ABI1: variants seen among roughly 807,000 people sequenced by gnomAD.
The protein encoded by ABI1 is abl interactor 1.
In ABI1, 14 loss-of-function variants were observed where a neutral mutation model predicts 54.6. That is an observed-to-expected ratio of 0.26 (90% CI 0.17 to 0.40). The LOEUF (loss-of-function observed/expected upper bound fraction) is 0.40, where lower values mean the gene tolerates loss of function less well. Ranked by LOEUF, ABI1 falls within the 10% of genes least tolerant of loss-of-function variation. The probability of loss-of-function intolerance (pLI) is 1.00; values close to 1 mark genes in which losing one functional copy is unlikely to be tolerated. For missense variants in ABI1, 443 were observed against 598.3 expected, an observed-to-expected ratio of 0.74 and a Z score of 2.71; for synonymous variants, 194 against 209.3, an observed-to-expected ratio of 0.93 and a Z score of 0.63.
chr10:26,791,416 C>T (rs554309555), intron 2 of ABI1, among the ~76,000 whole-genome samples: 28 of 152,060 alleles, frequency 1.8e-4, no homozygotes, highest in Non-Finnish European at 5.9e-5. Context: ...ACACATACAC[C>T]CGATTGTCCC....
At chr10:26,833,769 T>TACACAC (rs61653104) in intron 1 of ABI1, among the ~76,000 whole-genome samples, 4,796 of 150,268 alleles carry the variant, frequency 0.032, 188 homozygotes, top group African/African-American at 0.092. Flanking sequence ...ACAATATTTA[T>TACACAC]ACACACACAC....
At chr10:26,840,752 G>A (rs906137614) in intron 1 of ABI1, among the ~76,000 whole-genome samples, 36 of 151,994 alleles carry the variant, frequency 2.4e-4, no homozygotes, top group African/African-American at 8.7e-4. Context: ...AGAAACAAGA[G>A]ACAAAAAATA....
In ABI1 at chr10:26,840,379, G is replaced by T. The variant is rs192470459; in HGVS notation, c.118-17074C>A. Among the ~76,000 whole-genome samples, 11 of 152,296 alleles carry T rather than the reference G, an allele frequency of 7.2e-5. No homozygotes were observed. In the East Asian group the frequency reaches 1.5e-3, roughly 21 times the overall value. ...CATCAGAAGCAGATGTTGGCACCAT[G>T]CTTCTTATACGGTCTGCAGAACCAC... On this transcript the variant is annotated intron_variant, in intron 1 of 10. Coordinates refer to ENST00000376140, the MANE Select transcript of ABI1 (RefSeq NM_001012750.3).
chr10:26,750,935 AC>A (rs1167476984), intron 10 of ABI1, among the ~76,000 whole-genome samples: 1 of 152,200 alleles, frequency 6.6e-6, no homozygotes. Context: ...TTATAAAATC[AC>A]CTAATTGAAA....
At chr10:26,821,799 CAAAAAAAA>C (rs375448180) in intron 2 of ABI1, among the ~76,000 whole-genome samples, 3 of 80,144 alleles carry the variant, frequency 3.7e-5, no homozygotes, top group Admixed American at 3.0e-4. Context: ...ACTCTTGTCT[CAAAAAAAA>C]AAAAAAACAA....
intron 1 of ABI1, among the ~76,000 whole-genome samples, chr10:26,842,593 T>TTGGTCTGGTC (rs2049606088): frequency 6.6e-6 from 1 of 152,194 alleles, no homozygotes; most frequent in African/African-American, 2.4e-5. Flanking sequence ...GCCAATTTCA[T>TTGGTCTGGTC]TGGTCTGGGG....
In ABI1 at chr10:26,748,432, G is replaced by A; in HGVS notation, c.*138C>T. 1.6e-6 allele frequency: 1 copy of A among 625,838 alleles called. No individual in the cohort carries two copies. The highest frequency in any genetic ancestry group is 3.0e-5 in the South Asian group (1 of 33,600). 38.8% of individuals were successfully genotyped at this position (625,838 alleles called of 1,614,324 possible). On this transcript the variant is annotated 3_prime_UTR_variant, in exon 11 of 11. Transcript: ENST00000376140. The stretch of plus-strand genomic sequence containing the variant: ...CCTCAAAGATTTATGCTTACAGGTA[G>A]ACATTCAATTTACCAATAAAACAGC...
At chr10:26,806,226 A>G (rs371453170) in intron 2 of ABI1, among the ~76,000 whole-genome samples, 1 of 152,200 alleles carries the variant, frequency 6.6e-6, no homozygotes, top group African/African-American at 2.4e-5. Context: ...GCTAAAATCA[A>G]CATTGTCCAG....
At chr10:26,811,812 G>A (rs1051246816) in intron 2 of ABI1, among the ~76,000 whole-genome samples, 2 of 84,816 alleles carry the variant, frequency 2.4e-5, no homozygotes, top group Non-Finnish European at 5.4e-5. Context: ...TTTATGCAAA[G>A]ATTTGTATAA....
intron 1 of ABI1, among the ~76,000 whole-genome samples, chr10:26,828,299 C>T (rs2048439658): frequency 6.6e-6 from 1 of 152,142 alleles, no homozygotes; most frequent in African/African-American, 2.4e-5. Flanking sequence ...ACAGTAATAA[C>T]ATCGAATATC....
In ABI1 at chr10:26,751,838, A is replaced by G. The variant is rs1177530456; in HGVS notation, c.1085-55T>C. On this transcript the variant is annotated intron_variant, in intron 9 of 10. Coordinates refer to ENST00000376140, the MANE Select transcript of ABI1 (RefSeq NM_001012750.3). The stretch of plus-strand genomic sequence containing the variant: ...CAAAAATAAGTCTAGATGGAAACTT[A>G]TAAGTTAACAGAATTTAAGAAAGCT... The G allele has an allele frequency of 5.1e-5, 75 of 1,463,314 alleles. 1 individual carries two copies. Among genetic ancestry groups the G allele is most frequent in the East Asian group, 4.8e-5 (2 of 41,658 alleles). 90.6% of individuals were successfully genotyped at this position (1,463,314 alleles called of 1,614,324 possible).
At position 26,860,780 on chromosome 10, in the gene ABI1, C is replaced by A. The variant is rs776477058; in HGVS notation, c.84G>T (p.Arg28=). ...AGTTGTTTTCACAGTAGTCTGCCAC[C>A]CGAGTCAGGTTCTGGTAACTCTCGA... ...ALIESYQNLT[R]VADYCENNYI... is the part of the protein sequence containing the mutation. The change falls in exon 1 of 11, where the codon CGG becomes CGT. Residue 28 remains arginine, a synonymous_variant. Transcript: ENST00000376140. This position sits in a 1 kb window ranked among gnomAD's most constrained non-coding sequence, Gnocchi z 4.1. The A allele has an allele frequency of 1.2e-6, 2 of 1,614,138 alleles. No homozygotes were observed. Among genetic ancestry groups the A allele is most frequent in the Non-Finnish European group, 1.7e-6 (2 of 1,180,008 alleles).
intron 3 of ABI1, among the ~76,000 whole-genome samples, chr10:26,774,756 T>C (rs980928430): frequency 1.3e-5 from 2 of 152,026 alleles, no homozygotes; most frequent in Admixed American, 6.6e-5. Context: ...CAATGGAATA[T>C]TAATCTTGGA....
intron 10 of ABI1, among the ~76,000 whole-genome samples, chr10:26,750,426 G>A (rs186837367): frequency 4.7e-4 from 71 of 152,180 alleles, no homozygotes; most frequent in African/African-American, 1.4e-3. Context: ...CCTGGGAGGC[G>A]GAAGTTGCAG....
chr10:26,771,469 C>T lies in ABI1; in HGVS notation c.463-380G>A, dbSNP rs142094537. On this transcript the variant is annotated intron_variant, in intron 3 of 10. Coordinates refer to ENST00000376140, the MANE Select transcript of ABI1 (RefSeq NM_001012750.3). The stretch of plus-strand genomic sequence containing the variant: ...TAGATGTGAAGCTATTTTAACATAT[C>T]GGTGCATGAGACCTAACACTTTACT... 4.8e-3 allele frequency among the ~76,000 whole-genome samples: 726 copies of T among 152,186 alleles called. 6 individuals are homozygous for T. The highest frequency in any genetic ancestry group is 0.011 in the African/African-American group (447 of 41,524).
intron 7 of ABI1, 88 bp from the exon 8 acceptor site, chr10:26,759,326 A>G: frequency 9.3e-7 from 1 of 1,078,180 alleles, no homozygotes. Context: ...AGGGGGCCTC[A>G]GTAAGAAATA....
At position 26,747,057 on chromosome 10, in the gene ABI1, T is replaced by C. The variant is rs1837013244; in HGVS notation, c.*1513A>G. 1.3e-5 allele frequency: 3 copies of C among 229,968 alleles called. No individual in the cohort carries two copies. The highest frequency in any genetic ancestry group is 1.0e-4 in the Admixed American group (2 of 19,090). The allele number at this position is 229,968 out of a possible 1,614,324, so 14.2% of individuals were successfully genotyped here. A position where few individuals can be genotyped will look rare whatever the true frequency, so the allele number is the denominator to read the frequency against. On this transcript the variant is annotated 3_prime_UTR_variant, in exon 11 of 11. Coordinates refer to ENST00000376140, the MANE Select transcript of ABI1 (RefSeq NM_001012750.3). Reference sequence around the variant, plus strand: ...TTAAAATTAACAAAGGCAAAATGCATATGAAATAGTCACATTGATTTGGTA... The same window carrying C: ...TTAAAATTAACAAAGGCAAAATGCACATGAAATAGTCACATTGATTTGGTA...
chr10:26,810,401 A>T (rs2047154314), intron 2 of ABI1, among the ~76,000 whole-genome samples: 3 of 152,208 alleles, frequency 2.0e-5, no homozygotes, highest in African/African-American at 4.8e-5. Flanking sequence ...CTCCAGAAAA[A>T]TTATCTTAAA....
At chr10:26,784,189 C>T (rs1291570180) in intron 2 of ABI1, among the ~76,000 whole-genome samples, 1 of 152,236 alleles carries the variant, frequency 6.6e-6, no homozygotes, top group Non-Finnish European at 1.5e-5. Context: ...TACCCCACCA[C>T]ACAACTTTGA....
Sources: gnomAD v4.1 joint callset for allele counts (sites outside exome capture counted in the v4.1 genomes callset) on GRCh38, gnomAD v4.1.1 for gene constraint, Gnocchi (gnomAD v3.1) non-coding constraint, MANE v1.5 for transcripts, NCBI Gene and HGNC (gene_info 2026-07-23, HGNC 2026-07-21) for gene names.